SLIT3: variants seen among roughly 807,000 people sequenced by gnomAD.
SLIT3 encodes the protein slit guidance ligand 3.
A neutral mutation model predicts 184.0 loss-of-function variants in SLIT3; 68 were observed. That is an observed-to-expected ratio of 0.37 (90% CI 0.30 to 0.45). The LOEUF (loss-of-function observed/expected upper bound fraction) is 0.45. SLIT3 is among the 20% of genes least tolerant of loss of function. SLIT3 has a pLI of 1.00. For synonymous variants in SLIT3, 831 were observed against 828.6 expected (o/e 1.00, Z -0.05); for missense variants, 1,707 against 2,026.0 (o/e 0.84, Z 3.02).
chr5:168,988,556 C>T (rs781720636), intron 4 of SLIT3, among the ~76,000 whole-genome samples: 4 of 152,104 alleles, frequency 2.6e-5, no homozygotes, highest in Admixed American at 2.0e-4. Flanking sequence ...GCTTCCTGGA[C>T]GTTCCCTCAA....
chr5:169,226,717 C>T (rs2113542729), intron 3 of SLIT3, among the ~76,000 whole-genome samples: 1 of 152,258 alleles, frequency 6.6e-6, no homozygotes, highest in Non-Finnish European at 1.5e-5. Flanking sequence ...ACCCCTACCC[C>T]ATATTATCCT....
intron 8 of SLIT3, among the ~76,000 whole-genome samples, chr5:168,812,129 G>A (rs1042917761): frequency 5.3e-5 from 8 of 152,176 alleles, no homozygotes; most frequent in African/African-American, 1.9e-4. Context: ...CATGATCTAA[G>A]TTATATGTGG....
chr5:169,016,555 C>A (rs951507955), intron 4 of SLIT3, among the ~76,000 whole-genome samples: 1 of 152,146 alleles, frequency 6.6e-6, no homozygotes, highest in Admixed American at 6.5e-5. Context: ...ACATATCCAT[C>A]CATTAAAAAC....
intron 3 of SLIT3, among the ~76,000 whole-genome samples, chr5:169,230,211 C>T (rs1025044608): frequency 6.6e-6 from 1 of 152,142 alleles, no homozygotes; most frequent in Non-Finnish European, 1.5e-5. Context: ...ATGATTAACC[C>T]CATTTAACAG....
At chr5:169,082,151 G>A (rs1759091399) in intron 4 of SLIT3, among the ~76,000 whole-genome samples, 1 of 152,196 alleles carries the variant, frequency 6.6e-6, no homozygotes, top group Non-Finnish European at 1.5e-5. Flanking sequence ...TCCACAGGCC[G>A]TAGACATGCC....
chr5:169,116,207 C>T (rs563897873), intron 4 of SLIT3, among the ~76,000 whole-genome samples: 3 of 151,978 alleles, frequency 2.0e-5, no homozygotes, highest in Non-Finnish European at 2.9e-5. Context: ...ATAATTATTG[C>T]AGGGCAAAAA....
chr5:168,917,329 C>A (rs954513696), intron 4 of SLIT3, among the ~76,000 whole-genome samples: 7 of 152,164 alleles, frequency 4.6e-5, no homozygotes, highest in Non-Finnish European at 7.3e-5. Context: ...GGCTCTGAAC[C>A]CTTCCTGCTC....
chr5:168,746,701 GGTGGTGT>G (rs1754448235), intron 20 of SLIT3, among the ~76,000 whole-genome samples: 1 of 140,912 alleles, frequency 7.1e-6, no homozygotes, highest in Non-Finnish European at 1.6e-5. Flanking sequence ...GTGTGGGTGT[GGTGGTGT>G]GTGGTGTGGG....
chr5:168,844,569 G>A lies in SLIT3; in HGVS notation c.557+15C>T, dbSNP rs201669875. On this transcript the variant is annotated intron_variant, in intron 6 of 35. Transcript: ENST00000519560. ...TGCACGCACACACAAGGCAGCGATCGCAAAATCAACTCACAGGATCTCCAA... is the reference window on the plus strand; with the variant it reads ...TGCACGCACACACAAGGCAGCGATCACAAAATCAACTCACAGGATCTCCAA... The A allele has an allele frequency of 9.9e-6, 16 of 1,612,996 alleles. No individual in the cohort carries two copies. Among genetic ancestry groups the A allele is most frequent in the African/African-American group, 6.7e-5 (5 of 75,000 alleles).
At chr5:169,124,893 C>A (rs1761019981) in intron 4 of SLIT3, among the ~76,000 whole-genome samples, 1 of 152,120 alleles carries the variant, frequency 6.6e-6, no homozygotes, top group South Asian at 2.1e-4. Context: ...ACATATATTT[C>A]AAGCATCCCC....
chr5:169,143,610 C>G (rs1164083644), intron 4 of SLIT3, among the ~76,000 whole-genome samples: 8 of 152,144 alleles, frequency 5.3e-5, no homozygotes, highest in Non-Finnish European at 1.0e-4. Context: ...ACCAGCCCAG[C>G]CAACATGGCG....
At chr5:169,139,088 G>A (rs1397471532) in intron 4 of SLIT3, among the ~76,000 whole-genome samples, 1 of 152,220 alleles carries the variant, frequency 6.6e-6, no homozygotes, top group Non-Finnish European at 1.5e-5. Context: ...CTGGAGACAA[G>A]TCCTCTGTCA....
At chr5:168,752,866 C>A (rs1754763048) in intron 18 of SLIT3, 89 bp downstream of exon 18, 1 of 1,315,832 alleles carries the variant, frequency 7.6e-7, no homozygotes, top group Non-Finnish European at 1.1e-6. Flanking sequence ...GATAGATGAG[C>A]CTGGCTAGAG....
intron 4 of SLIT3, among the ~76,000 whole-genome samples, chr5:168,975,355 A>G (rs1391890462): frequency 1.3e-5 from 2 of 152,146 alleles, no homozygotes; most frequent in African/African-American, 2.4e-5. Context: ...ATCAGTGCAT[A>G]CATCATCAGG....
chr5:168,774,427 T>A, intron 12 of SLIT3, 49 bp from the exon 13 acceptor site: 2 of 1,563,964 alleles, frequency 1.3e-6, no homozygotes, highest in East Asian at 4.5e-5. Flanking sequence ...GGTAATTACC[T>A]GCGGGGCAAG....
At chr5:169,092,787 C>T (rs549931242) in intron 4 of SLIT3, among the ~76,000 whole-genome samples, 1 of 152,326 alleles carries the variant, frequency 6.6e-6, no homozygotes, top group African/African-American at 2.4e-5. Context: ...GTACCCACTT[C>T]CTTTCTTCTC....
chr5:168,728,159 T>C (rs1402551942), intron 20 of SLIT3, among the ~76,000 whole-genome samples: 1 of 152,000 alleles, frequency 6.6e-6, no homozygotes, highest in African/African-American at 2.4e-5. Context: ...AATGGTACCC[T>C]AAGTCACTGA....
chr5:169,176,759 T>G (rs1158585140), intron 4 of SLIT3, among the ~76,000 whole-genome samples: 3 of 152,208 alleles, frequency 2.0e-5, no homozygotes, highest in African/African-American at 7.2e-5. Context: ...CAATAAAACT[T>G]TATTTACAAT....
intron 32 of SLIT3, among the ~76,000 whole-genome samples, chr5:168,674,811 T>C (rs1761359278): frequency 6.6e-6 from 1 of 152,068 alleles, no homozygotes; most frequent in African/African-American, 2.4e-5. Flanking sequence ...ATATTCAGTG[T>C]GCACATCCTA....
Sources: gnomAD v4.1 joint callset for allele counts (sites outside exome capture counted in the v4.1 genomes callset) on GRCh38, gnomAD v4.1.1 for gene constraint, MANE v1.5 for transcripts, NCBI Gene and HGNC (gene_info 2026-07-23, HGNC 2026-07-21) for gene names.